PAPSS1: variants seen among roughly 807,000 people sequenced by gnomAD.
PAPSS1 encodes the protein bifunctional 3'-phosphoadenosine 5'-phosphosulfate synthase 1.
In PAPSS1, 50 loss-of-function variants were observed where a neutral mutation model predicts 72.0. The ratio of observed to expected loss-of-function variants is 0.69; its 90% CI spans 0.55 to 0.88. The LOEUF (loss-of-function observed/expected upper bound fraction) is 0.88. Among genes scored for constraint, PAPSS1 ranks in the 40% least tolerant of loss-of-function variants. PAPSS1 has a pLI of 0.00. For synonymous variants in PAPSS1, 261 were observed against 263.6 expected, an observed-to-expected ratio of 0.99 and a Z score of 0.09; for missense variants, 657 against 782.2, an observed-to-expected ratio of 0.84 and a Z score of 1.91.
intron 1 of PAPSS1, among the ~76,000 whole-genome samples, chr4:107,718,621 C>T (rs1377221433): frequency 6.6e-6 from 1 of 152,228 alleles, no homozygotes; most frequent in African/African-American, 2.4e-5. Context: ...CCATGAACTA[C>T]CAGAAGGCAA....
chr4:107,698,253 T>C (rs1415636460), intron 2 of PAPSS1, among the ~76,000 whole-genome samples: 1 of 152,166 alleles, frequency 6.6e-6, no homozygotes, highest in Non-Finnish European at 1.5e-5. Context: ...AGGTTAAGCA[T>C]CTGAATTGCA....
At chr4:107,680,351 A>C (rs1022523125) in intron 5 of PAPSS1, among the ~76,000 whole-genome samples, 1 of 151,618 alleles carries the variant, frequency 6.6e-6, no homozygotes, top group Non-Finnish European at 1.5e-5. Flanking sequence ...AGGAACAAAG[A>C]AAAGAATTAC....
At chr4:107,614,437 A>T (rs1560560007) in intron 11 of PAPSS1, 50 bp from the exon 12 acceptor site, 2 of 1,461,348 alleles carry the variant, frequency 1.4e-6, no homozygotes, top group Admixed American at 3.7e-5. Flanking sequence ...AGAAACTTAG[A>T]TTTTTAAAAA....
chr4:107,654,046 T>A (rs1726930753), intron 8 of PAPSS1, among the ~76,000 whole-genome samples: 1 of 152,106 alleles, frequency 6.6e-6, no homozygotes, highest in African/African-American at 2.4e-5. Context: ...CACCTCAAAT[T>A]TCTTACAATT....
At chr4:107,630,351 G>A (rs1726197712) in intron 11 of PAPSS1, among the ~76,000 whole-genome samples, 1 of 151,762 alleles carries the variant, frequency 6.6e-6, no homozygotes, top group Admixed American at 6.6e-5. Flanking sequence ...ATCCCCACAT[G>A]TCAGGGGAGG....
At chr4:107,619,076 C>T (rs907241407) in intron 11 of PAPSS1, among the ~76,000 whole-genome samples, 7 of 152,106 alleles carry the variant, frequency 4.6e-5, no homozygotes, top group African/African-American at 1.4e-4. Flanking sequence ...AAAAGAAAAA[C>T]TTGTCACTTG....
intron 1 of PAPSS1, among the ~76,000 whole-genome samples, chr4:107,710,491 C>T (rs1056917928): frequency 1.4e-5 from 2 of 143,510 alleles, no homozygotes; most frequent in East Asian, 4.2e-4. Flanking sequence ...GTGTCCTGCT[C>T]GGGGTCAGGT....
rs577042888 is a variant in PAPSS1, at chr4:107,667,063, C to T, written c.670-6991G>A. Among the ~76,000 whole-genome samples, 18 of 152,246 alleles carry T rather than the reference C, an allele frequency of 1.2e-4. No homozygotes were observed. The East Asian group carries it at 3.5e-3, about 29-fold the overall frequency. Reference sequence around the variant, plus strand: ...ACCATCACAGGGTTGCAACTTTCAGCCTCACTCTACTCCCCTGACCTCTGG... The same window carrying T: ...ACCATCACAGGGTTGCAACTTTCAGTCTCACTCTACTCCCCTGACCTCTGG... On this transcript the variant is annotated intron_variant, in intron 5 of 11. Coordinates refer to ENST00000265174, the MANE Select transcript of PAPSS1 (RefSeq NM_005443.5).
intron 11 of PAPSS1, among the ~76,000 whole-genome samples, chr4:107,620,754 A>G (rs1389326143): frequency 1.3e-5 from 2 of 152,252 alleles, no homozygotes; most frequent in Non-Finnish European, 2.9e-5. Flanking sequence ...GAGATTGAGA[A>G]ACCCTGCTAA....
chr4:107,644,372 A>C lies in PAPSS1; in HGVS notation c.1506+430T>G, dbSNP rs549678989. Reference sequence around the variant, plus strand: ...GAAAGGAACGTGCCTATCTCTGAAAACACAAGGACACAGAGAAGAATTTAA... The same window carrying C: ...GAAAGGAACGTGCCTATCTCTGAAACCACAAGGACACAGAGAAGAATTTAA... On this transcript the variant is annotated intron_variant, in intron 10 of 11. Coordinates refer to ENST00000265174, the MANE Select transcript of PAPSS1 (RefSeq NM_005443.5). Among the ~76,000 whole-genome samples, 25 of 152,272 alleles carry C rather than the reference A, an allele frequency of 1.6e-4. No individual in the cohort carries two copies. The East Asian group carries it at 4.8e-3, about 29-fold the overall frequency.
At chr4:107,615,126 C>T (rs993308565) in intron 11 of PAPSS1, among the ~76,000 whole-genome samples, 1 of 151,764 alleles carries the variant, frequency 6.6e-6, no homozygotes, top group African/African-American at 2.4e-5. Context: ...ATAATCAATA[C>T]TACTTAATTG....
intron 1 of PAPSS1, among the ~76,000 whole-genome samples, chr4:107,711,702 C>A (rs894339205): frequency 6.6e-6 from 1 of 151,972 alleles, no homozygotes; most frequent in Non-Finnish European, 1.5e-5. Flanking sequence ...CTGTAGAGAT[C>A]GTAACAATAT....
chr4:107,718,823 T>C (rs1342397453), intron 1 of PAPSS1, among the ~76,000 whole-genome samples: 1 of 152,238 alleles, frequency 6.6e-6, no homozygotes, highest in Admixed American at 6.5e-5. Context: ...GAAGCGAAAC[T>C]GAGTCTGAGT....
chr4:107,627,947 T>A (rs79977150), intron 11 of PAPSS1, among the ~76,000 whole-genome samples: 8,367 of 152,272 alleles, frequency 0.055, 316 homozygotes, highest in Middle Eastern at 0.096. Context: ...TTTTTCTAAA[T>A]GTTTACAAAC....
chr4:107,618,911 A>G (rs1242289229), intron 11 of PAPSS1, among the ~76,000 whole-genome samples: 1 of 152,144 alleles, frequency 6.6e-6, no homozygotes, highest in Non-Finnish European at 1.5e-5. Flanking sequence ...GTAAAATTAA[A>G]AACTGGTTTG....
At chr4:107,662,285 C>T (rs918720018) in intron 5 of PAPSS1, among the ~76,000 whole-genome samples, 2 of 152,140 alleles carry the variant, frequency 1.3e-5, no homozygotes, top group East Asian at 1.9e-4. Flanking sequence ...GGCACAAACC[C>T]GGCACAGCAT....
intron 8 of PAPSS1, 22 bp downstream of exon 8, chr4:107,654,673 T>C (rs754166873): frequency 1.7e-5 from 27 of 1,586,142 alleles, no homozygotes; most frequent in Non-Finnish European, 2.2e-5. Flanking sequence ...CAAGATAAAA[T>C]GCAGCGAGGT....
intron 11 of PAPSS1, among the ~76,000 whole-genome samples, chr4:107,622,223 G>A (rs544424834): frequency 3.9e-5 from 6 of 152,116 alleles, no homozygotes; most frequent in African/African-American, 9.7e-5. Flanking sequence ...CAACGTAGTC[G>A]ATTCCAGCTC....
In PAPSS1 at chr4:107,650,114, G is replaced by A. The variant is rs563223287; in HGVS notation, c.1237+3377C>T. 6.6e-5 allele frequency among the ~76,000 whole-genome samples: 10 copies of A among 152,330 alleles called. 1 individual carries two copies. The East Asian group carries it at 1.4e-3, about 21-fold the overall frequency. On this transcript the variant is annotated intron_variant, in intron 9 of 11. Transcript: ENST00000265174. The stretch of plus-strand genomic sequence containing the variant: ...AAGATGAGGGGAGGAGAAGGAGGAA[G>A]AGGTAAGAAAAGAAATCCTAGATTA...
Sources: allele counts gnomAD v4.1 joint callset (sites outside exome capture counted in the v4.1 genomes callset), GRCh38; gene constraint gnomAD v4.1.1; transcripts MANE v1.5; gene names NCBI Gene and HGNC (gene_info 2026-07-23, HGNC 2026-07-21).